Variants in SLC9A9 observed in about 807,000 individuals in gnomAD.
SLC9A9 encodes sodium/hydrogen exchanger 9.
A neutral mutation model predicts 77.8 loss-of-function variants in SLC9A9; 62 were observed. The ratio of observed to expected loss-of-function variants is 0.80; its 90% CI spans 0.65 to 0.98. The LOEUF (loss-of-function observed/expected upper bound fraction) is 0.98, where lower values mean the gene tolerates loss of function less well. SLC9A9 is among the 50% of genes least tolerant of loss of function. The pLI, the probability that SLC9A9 is intolerant of heterozygous loss-of-function variation, is 0.00. For missense variants in SLC9A9, 775 were observed against 774.9 expected (o/e 1.00, Z 0.00); for synonymous variants, 320 against 283.5 (o/e 1.13, Z -1.29).
intron 12 of SLC9A9, among the ~76,000 whole-genome samples, chr3:143,428,402 G>A (rs746480384): frequency 2.0e-5 from 3 of 152,100 alleles, no homozygotes; most frequent in African/African-American, 4.8e-5. Context: ...CAGTTAGAAT[G>A]CTATTATCAA....
At chr3:143,527,797 G>A (rs1399976085) in intron 9 of SLC9A9, among the ~76,000 whole-genome samples, 4 of 152,178 alleles carry the variant, frequency 2.6e-5, no homozygotes, top group Admixed American at 2.6e-4. Flanking sequence ...AAAGGGCTAT[G>A]AGGACCACAG....
chr3:143,717,278 G>C (rs1044655792), intron 4 of SLC9A9, among the ~76,000 whole-genome samples: 2 of 152,204 alleles, frequency 1.3e-5, no homozygotes, highest in African/African-American at 4.8e-5. Flanking sequence ...ATACCATGTT[G>C]CTGGTCACTG....
At chr3:143,666,169 G>A (rs58979203) in intron 5 of SLC9A9, among the ~76,000 whole-genome samples, 22,257 of 152,138 alleles carry the variant, frequency 0.15, 2,377 homozygotes, top group African/African-American at 0.31. Context: ...GGGATGCAAG[G>A]CTGGTCCAAC....
intron 6 of SLC9A9, among the ~76,000 whole-genome samples, chr3:143,651,802 C>T (rs1431024519): frequency 6.6e-6 from 1 of 152,224 alleles, no homozygotes; most frequent in African/African-American, 2.4e-5. Flanking sequence ...CATTCCTATA[C>T]AGCATTACCT....
Position 143,329,570 on chromosome 3 carries a change from C to T in SLC9A9, c.1604+33914G>A, listed in dbSNP as rs149473048. On this transcript the variant is annotated intron_variant, in intron 14 of 15. Coordinates refer to ENST00000316549, the MANE Select transcript of SLC9A9 (RefSeq NM_173653.4). ...TCCTCCCATATGGCAGGTGTGCAGG[C>T]CACCTTGGCCTCCTGCGCGTGCTGC... Among the ~76,000 whole-genome samples, 406 of 152,332 alleles carry T rather than the reference C, an allele frequency of 2.7e-3. 3 individuals are homozygous for T. The highest frequency in any genetic ancestry group is 6.5e-3 in the African/African-American group (272 of 41,566).
In SLC9A9 at chr3:143,578,568, A is replaced by G; in HGVS notation, c.894+17T>C. The G allele has an allele frequency of 5.6e-6, 9 of 1,613,826 alleles. No homozygotes were observed. Among genetic ancestry groups the G allele is most frequent in the South Asian group, 3.3e-5 (3 of 91,076 alleles). ...GTTCTTGACAGTCCCAGCTTTCCAC[A>G]TACAGACAAAGGATATCAGTGCTGT... On this transcript the variant is annotated intron_variant, in intron 7 of 15. Coordinates refer to ENST00000316549, the MANE Select transcript of SLC9A9 (RefSeq NM_173653.4).
At chr3:143,706,441 C>A (rs1032359193) in intron 4 of SLC9A9, among the ~76,000 whole-genome samples, 1 of 150,580 alleles carries the variant, frequency 6.6e-6, no homozygotes. Flanking sequence ...ATCCATTTGG[C>A]CCACTCTACT....
At position 143,279,983 on chromosome 3, in the gene SLC9A9, T is replaced by C. The variant is rs538249332; in HGVS notation, c.1605-11003A>G. Among the ~76,000 whole-genome samples, 26 of 152,244 alleles carry C rather than the reference T, an allele frequency of 1.7e-4. No homozygotes were observed. The East Asian group carries it at 4.1e-3, about 24-fold the overall frequency. ...TACAGGCATGTGCCATGATACCCAGTGAATTTTTAATTTTTTTTGTAGGGA... is the reference window on the plus strand; with the variant it reads ...TACAGGCATGTGCCATGATACCCAGCGAATTTTTAATTTTTTTTGTAGGGA... On this transcript the variant is annotated intron_variant, in intron 14 of 15. Transcript: ENST00000316549.
intron 12 of SLC9A9, among the ~76,000 whole-genome samples, chr3:143,401,645 T>C (rs189153393): frequency 2.6e-5 from 4 of 152,338 alleles, no homozygotes; most frequent in Admixed American, 2.6e-4. Context: ...AATGTTTCTC[T>C]AAGGTACCTG....
At chr3:143,647,695 C>T (rs575237898) in intron 6 of SLC9A9, among the ~76,000 whole-genome samples, 2 of 152,292 alleles carry the variant, frequency 1.3e-5, no homozygotes, top group East Asian at 1.9e-4. Context: ...AGCATCTGTT[C>T]GTTTCCTAGT....
intron 14 of SLC9A9, among the ~76,000 whole-genome samples, chr3:143,318,823 A>C (rs550323252): frequency 6.6e-6 from 1 of 152,172 alleles, no homozygotes; most frequent in Non-Finnish European, 1.5e-5. Context: ...CAAGGCAAAG[A>C]GGGTTAGTGA....
At chr3:143,384,673 G>A (rs908668405) in intron 12 of SLC9A9, among the ~76,000 whole-genome samples, 1 of 152,106 alleles carries the variant, frequency 6.6e-6, no homozygotes, top group Non-Finnish European at 1.5e-5. Context: ...CTCAGTGGAA[G>A]GCATCTCAGA....
chr3:143,487,093 T>C (rs976894046), intron 11 of SLC9A9, among the ~76,000 whole-genome samples: 4 of 151,864 alleles, frequency 2.6e-5, no homozygotes, highest in African/African-American at 9.7e-5. Flanking sequence ...AGATATTCCA[T>C]GAAAATACTG....
intron 14 of SLC9A9, among the ~76,000 whole-genome samples, chr3:143,349,321 G>C (rs2032386954): frequency 6.6e-6 from 1 of 152,204 alleles, no homozygotes; most frequent in Non-Finnish European, 1.5e-5. Context: ...GGTCCTGCCA[G>C]GTCAGCCCTG....
At chr3:143,413,118 G>A (rs2034127735) in intron 12 of SLC9A9, among the ~76,000 whole-genome samples, 1 of 152,178 alleles carries the variant, frequency 6.6e-6, no homozygotes, top group African/African-American at 2.4e-5. Context: ...GAGCAACGGG[G>A]TGTGGAATAA....
chr3:143,592,711 T>C (rs971162597), intron 6 of SLC9A9, among the ~76,000 whole-genome samples: 1 of 152,158 alleles, frequency 6.6e-6, no homozygotes, highest in Non-Finnish European at 1.5e-5. Flanking sequence ...CTATTCATGA[T>C]GTAAATGATG....
chr3:143,390,898 G>T lies in SLC9A9; in HGVS notation c.1470-8784C>A, dbSNP rs557353186. ...TGAACTGCAAGGCAGCAGCAAGGCT[G>T]GGGGAGGGGTGCCCACCATTGCTGA... On this transcript the variant is annotated intron_variant, in intron 12 of 15. Coordinates refer to ENST00000316549, the MANE Select transcript of SLC9A9 (RefSeq NM_173653.4). Among the ~76,000 whole-genome samples, 647 of 152,324 alleles carry T rather than the reference G, an allele frequency of 4.2e-3. 4 individuals are homozygous for T. The highest frequency in any genetic ancestry group is 0.015 in the African/African-American group (616 of 41,574).
intron 8 of SLC9A9, among the ~76,000 whole-genome samples, chr3:143,562,300 G>A (rs2037100838): frequency 6.6e-6 from 1 of 152,172 alleles, no homozygotes; most frequent in Admixed American, 6.5e-5. Context: ...ACAGGGATGA[G>A]GAATGTTTTC....
In SLC9A9 at chr3:143,493,679, T is replaced by G; in HGVS notation, c.1289A>C (p.Asn430Thr). ...NLGRKQKIPW[N>T]FQHMMMFSGL... ...TGAAAACATCATCATGTGCTGAAAG[T>G]TCCAGGGGATCTTCTGTTTTCGGCC... Residue 430 changes from asparagine (N) to threonine (T), a missense_variant, in exon 11 of 16, where the codon AAC (asparagine) becomes ACC (threonine). Coordinates refer to ENST00000316549, the MANE Select transcript of SLC9A9 (RefSeq NM_173653.4). The G allele has an allele frequency of 6.2e-7, 1 of 1,614,054 alleles. No homozygotes were observed. Among genetic ancestry groups the G allele is most frequent in the Non-Finnish European group, 8.5e-7 (1 of 1,179,926 alleles).
Sources: gnomAD v4.1 joint callset for allele counts (sites outside exome capture counted in the v4.1 genomes callset) on GRCh38, gnomAD v4.1.1 for gene constraint, MANE v1.5 for transcripts, NCBI Gene and HGNC (gene_info 2026-07-23, HGNC 2026-07-21) for gene names.